Variants in PCDH15 observed in about 807,000 individuals in gnomAD.
PCDH15 encodes protocadherin-15.
PCDH15 carries 129 observed loss-of-function variants against 178.5 expected under a neutral mutation model. That is an observed-to-expected ratio of 0.72 (90% confidence interval 0.63 to 0.84). PCDH15 has a LOEUF of 0.84. PCDH15 is among the 40% of genes least tolerant of loss of function. The probability of loss-of-function intolerance (pLI) is 0.00; values close to 1 mark genes in which losing one functional copy is unlikely to be tolerated. For synonymous variants in PCDH15, 800 were observed against 732.0 expected (o/e 1.09, Z -1.50); for missense variants, 2,230 against 2,099.9 (o/e 1.06, Z -1.21).
intron 3 of PCDH15, among the ~76,000 whole-genome samples, chr10:54,467,957 G>A (rs1050257168): frequency 8.6e-5 from 13 of 151,686 alleles, no homozygotes; most frequent in African/African-American, 3.1e-4. Flanking sequence ...GTTAGTGTAG[G>A]GTTATTCGTA....
At chr10:55,039,214 A>G (rs1840808609) in intron 2 of PCDH15, among the ~76,000 whole-genome samples, 1 of 152,114 alleles carries the variant, frequency 6.6e-6, no homozygotes, top group South Asian at 2.1e-4. Context: ...AAAAAGAGAG[A>G]AAGGTAAAAA....
intron 8 of PCDH15, among the ~76,000 whole-genome samples, chr10:54,290,071 G>A (rs768847621): frequency 3.9e-5 from 6 of 152,198 alleles, no homozygotes; most frequent in East Asian, 1.9e-4. Context: ...CTTGAGAAGA[G>A]CATCCCCAAG....
At chr10:54,996,213 C>T (rs900021265) in intron 2 of PCDH15, among the ~76,000 whole-genome samples, 2 of 152,128 alleles carry the variant, frequency 1.3e-5, no homozygotes, top group South Asian at 2.1e-4. Flanking sequence ...ATTCTCTCTT[C>T]GGCCCTGCCA....
At chr10:55,516,606 T>G (rs1428811758) in intron 2 of PCDH15, among the ~76,000 whole-genome samples, 1 of 152,132 alleles carries the variant, frequency 6.6e-6, no homozygotes, top group Non-Finnish European at 1.5e-5. Flanking sequence ...CTTCACAGCA[T>G]CTGCAAATCA....
chr10:55,005,226 A>AATAATAATAATAATAATAATAATC (rs34847205), intron 2 of PCDH15, among the ~76,000 whole-genome samples: 64 of 146,566 alleles, frequency 4.4e-4, no homozygotes, highest in South Asian at 1.7e-3. Flanking sequence ...TAATAATAAT[A>AATAATAATAATAATAATAATAATC]ATCAATGGAG....
intron 2 of PCDH15, among the ~76,000 whole-genome samples, chr10:55,488,323 A>G (rs1293155796): frequency 6.6e-6 from 1 of 151,600 alleles, no homozygotes; most frequent in East Asian, 1.9e-4. Flanking sequence ...ATTGATTACT[A>G]CTTATGAGAG....
At chr10:55,349,216 G>C (rs766162496) in intron 2 of PCDH15, among the ~76,000 whole-genome samples, 1 of 152,124 alleles carries the variant, frequency 6.6e-6, no homozygotes, top group African/African-American at 2.4e-5. Flanking sequence ...GTTGAGGTGT[G>C]AAGTCCCAGT....
At chr10:55,163,145 G>C (rs766382235) in intron 2 of PCDH15, among the ~76,000 whole-genome samples, 1 of 152,014 alleles carries the variant, frequency 6.6e-6, no homozygotes, top group Non-Finnish European at 1.5e-5. Context: ...TCCTTGAAAA[G>C]CCCTAGCCTC....
chr10:54,440,567 C>T (rs1276308992), intron 3 of PCDH15, among the ~76,000 whole-genome samples: 1 of 151,816 alleles, frequency 6.6e-6, no homozygotes. Flanking sequence ...GAATCAATTT[C>T]TTAAAATGGC....
intron 3 of PCDH15, among the ~76,000 whole-genome samples, chr10:54,395,755 A>G (rs758342020): frequency 6.6e-6 from 1 of 152,296 alleles, no homozygotes; most frequent in South Asian, 2.1e-4. Flanking sequence ...GTAATAATAC[A>G]TGAGTACCAC....
chr10:55,610,972 G>A (rs981925426), intron 2 of PCDH15, among the ~76,000 whole-genome samples: 9 of 152,048 alleles, frequency 5.9e-5, no homozygotes, highest in Non-Finnish European at 8.8e-5. Context: ...TAATAAAAAA[G>A]TACATTTGTA....
intron 2 of PCDH15, among the ~76,000 whole-genome samples, chr10:55,498,692 C>CA (rs1471969877): frequency 5.9e-5 from 9 of 151,782 alleles, no homozygotes; most frequent in African/African-American, 1.9e-4. Context: ...AATGAACCTG[C>CA]ACCTGAACCT....
intron 1 of PCDH15, among the ~76,000 whole-genome samples, chr10:54,749,391 C>A (rs1262311071): frequency 6.6e-6 from 1 of 152,084 alleles, no homozygotes; most frequent in Non-Finnish European, 1.5e-5. Flanking sequence ...CCCATTAACA[C>A]TAGGGAGCAT....
At chr10:54,488,299 A>T (rs1304074609) in intron 3 of PCDH15, among the ~76,000 whole-genome samples, 3 of 151,870 alleles carry the variant, frequency 2.0e-5, no homozygotes, top group Admixed American at 6.6e-5. Context: ...GGATACTTGG[A>T]TTATTTTTAA....
chr10:54,719,256 G>C (rs1326521874), intron 1 of PCDH15, among the ~76,000 whole-genome samples: 1 of 151,970 alleles, frequency 6.6e-6, no homozygotes, highest in African/African-American at 2.4e-5. Flanking sequence ...ATACCAACTG[G>C]AAGAAATAAC....
chr10:55,538,574 CTCCT>C (rs1564442096), intron 2 of PCDH15, among the ~76,000 whole-genome samples: 2 of 108,338 alleles, frequency 1.8e-5, no homozygotes, highest in African/African-American at 7.2e-5. Context: ...TCCTTCCTTC[CTCCT>C]TTCCTTCCTT....
chr10:53,847,148 TAAG>T (rs1220452088), intron 28 of PCDH15, among the ~76,000 whole-genome samples: 2 of 152,038 alleles, frequency 1.3e-5, no homozygotes, highest in Middle Eastern at 3.4e-3. Flanking sequence ...TGTGATAGGT[TAAG>T]GAGACTACAC....
chr10:54,580,433 A>G (rs1400716129), intron 2 of PCDH15, among the ~76,000 whole-genome samples: 1 of 151,988 alleles, frequency 6.6e-6, no homozygotes, highest in East Asian at 1.9e-4. Context: ...GCAACTCTGA[A>G]CAAATGAATC....
At chr10:55,525,367 C>T (rs1841280832) in intron 2 of PCDH15, among the ~76,000 whole-genome samples, 1 of 151,802 alleles carries the variant, frequency 6.6e-6, no homozygotes, top group Admixed American at 6.6e-5. Context: ...GTTTCATTCC[C>T]TAGGTAAGTT....
Sources: gnomAD v4.1 joint callset for allele counts (sites outside exome capture counted in the v4.1 genomes callset) on GRCh38, gnomAD v4.1.1 for gene constraint, MANE v1.5 for transcripts, NCBI Gene and HGNC (gene_info 2026-07-23, HGNC 2026-07-21) for gene names.